Variants in LRRC4C observed in about 807,000 individuals in gnomAD.
LRRC4C encodes leucine-rich repeat-containing protein 4C.
LRRC4C carries 5 observed loss-of-function variants against 33.6 expected under a neutral mutation model. The ratio of observed to expected loss-of-function variants is 0.15; its 90% CI spans 0.08 to 0.31. The LOEUF is 0.31. Among genes scored for constraint, LRRC4C ranks in the 10% least tolerant of loss-of-function variants. The probability of loss-of-function intolerance (pLI) is 1.00; values close to 1 mark genes in which losing one functional copy is unlikely to be tolerated. For synonymous variants in LRRC4C, 329 were observed against 302.0 expected (o/e 1.09, Z -0.93); for missense variants, 560 against 796.7 (o/e 0.70, Z 3.58).
At chr11:41,325,577 T>TTTTTTGTG (rs202169756) in intron 1 of LRRC4C, among the ~76,000 whole-genome samples, 2 of 104,164 alleles carry the variant, frequency 1.9e-5, no homozygotes, top group Admixed American at 1.0e-4. Context: ...TTTTTTTTTT[T>TTTTTTGTG]TGTGTGTGTG....
At chr11:40,716,779 G>A (rs111927691) in intron 2 of LRRC4C, among the ~76,000 whole-genome samples, 1 of 152,082 alleles carries the variant, frequency 6.6e-6, no homozygotes, top group African/African-American at 2.4e-5. Context: ...ATTCTAAAGG[G>A]AATGACCCCT....
intron 1 of LRRC4C, among the ~76,000 whole-genome samples, chr11:41,186,337 C>A (rs904967681): frequency 6.6e-6 from 1 of 152,074 alleles, no homozygotes; most frequent in African/African-American, 2.4e-5. Context: ...TCTTTTAGTG[C>A]CACTAAATAT....
At chr11:41,081,830 G>A (rs910436512) in intron 1 of LRRC4C, among the ~76,000 whole-genome samples, 5 of 152,132 alleles carry the variant, frequency 3.3e-5, no homozygotes, top group African/African-American at 9.7e-5. Context: ...GCCTTAGAAT[G>A]TGTCATTATA....
At chr11:41,437,693 T>C (rs1289777027) in intron 1 of LRRC4C, among the ~76,000 whole-genome samples, 2 of 152,134 alleles carry the variant, frequency 1.3e-5, no homozygotes, top group Middle Eastern at 3.2e-3. Flanking sequence ...ACTATAAAAA[T>C]CTCCTGACTT....
rs1486364979 is a variant in LRRC4C at position 40,937,601 on chromosome 11, A to ATG, written c.-495-3879_-495-3878insCA. ...TAATTCACTCTTCTTGAGTGTGTGTATATGTGTGTGTGTGTGTGTGTGTGT... is the reference window on the plus strand; with the variant it reads ...TAATTCACTCTTCTTGAGTGTGTGTATGTATGTGTGTGTGTGTGTGTGTGTGT... On this transcript the variant is annotated intron_variant, in intron 1 of 6. Coordinates refer to ENST00000528697, the MANE Select transcript of LRRC4C (RefSeq NM_001258419.2). Among the ~76,000 whole-genome samples, 473 of 114,742 alleles carry ATG rather than the reference A, an allele frequency of 4.1e-3. 3 individuals are homozygous for ATG. The highest frequency in any genetic ancestry group is 0.017 in the African/African-American group (414 of 24,032). 75.3% of individuals were successfully genotyped at this position (114,742 alleles called of 152,430 possible).
At chr11:40,853,721 C>T (rs771816404) in intron 2 of LRRC4C, among the ~76,000 whole-genome samples, 1 of 152,028 alleles carries the variant, frequency 6.6e-6, no homozygotes, top group Non-Finnish European at 1.5e-5. Context: ...GTCTTCTTGG[C>T]AATGATTAGA....
At position 40,396,384 on chromosome 11, in the gene LRRC4C, C is replaced by T. The variant is rs142592549; in HGVS notation, c.-269-76663G>A. On this transcript the variant is annotated intron_variant, in intron 3 of 6. Coordinates refer to ENST00000528697, the MANE Select transcript of LRRC4C (RefSeq NM_001258419.2). Reference sequence around the variant, plus strand: ...TACTGCTAAGAAACTGTAATACTACCGCTCCTCTGGGGCATAATGTCCCTT... The same window carrying T: ...TACTGCTAAGAAACTGTAATACTACTGCTCCTCTGGGGCATAATGTCCCTT... Among the ~76,000 whole-genome samples the T allele has an allele frequency of 6.8e-4, 104 of 152,112 alleles. No individual in the cohort carries two copies. The East Asian group carries it at 0.012, about 17-fold the overall frequency.
intron 2 of LRRC4C, among the ~76,000 whole-genome samples, chr11:40,717,081 A>G (rs115720777): frequency 4.3e-4 from 65 of 152,296 alleles, no homozygotes; most frequent in South Asian, 1.7e-3. Context: ...GATTATAGGC[A>G]TCACGAGGTT....
intron 3 of LRRC4C, among the ~76,000 whole-genome samples, chr11:40,599,982 G>C (rs59331976): frequency 5.2e-4 from 79 of 152,274 alleles, no homozygotes; most frequent in African/African-American, 1.8e-3. Context: ...TTTCCTATAG[G>C]CATAATCTTG....
At chr11:41,388,125 G>A (rs982667513) in intron 1 of LRRC4C, among the ~76,000 whole-genome samples, 1 of 151,626 alleles carries the variant, frequency 6.6e-6, no homozygotes, top group Admixed American at 6.6e-5. Context: ...TTTATGCCTG[G>A]TATTTGAAAA....
At chr11:41,238,105 C>T (rs10501253) in intron 1 of LRRC4C, among the ~76,000 whole-genome samples, 6,711 of 152,194 alleles carry the variant, frequency 0.044, 189 homozygotes, top group South Asian at 0.074. Flanking sequence ...TTTTCTACTT[C>T]TTCAATTTTT....
chr11:40,879,455 T>C (rs141703963), intron 2 of LRRC4C, among the ~76,000 whole-genome samples: 1 of 152,166 alleles, frequency 6.6e-6, no homozygotes, highest in African/African-American at 2.4e-5. Flanking sequence ...AGGAAAGTTG[T>C]TCATCCTACA....
chr11:41,366,763 C>T (rs1483734006), intron 1 of LRRC4C, among the ~76,000 whole-genome samples: 2 of 152,000 alleles, frequency 1.3e-5, no homozygotes, highest in African/African-American at 4.8e-5. Flanking sequence ...CAGATATACA[C>T]AGAGGGAAGA....
At chr11:40,705,692 C>A (rs534322902) in intron 2 of LRRC4C, among the ~76,000 whole-genome samples, 32 of 152,104 alleles carry the variant, frequency 2.1e-4, no homozygotes, top group Non-Finnish European at 4.1e-4. Context: ...TTTATAGTAG[C>A]ATGATTTATA....
In LRRC4C at chr11:40,610,877, CAT is replaced by C. The variant is rs1712941305; in HGVS notation, c.-270+37263_-270+37264del. On this transcript the variant is annotated intron_variant, in intron 3 of 6. Coordinates refer to ENST00000528697, the MANE Select transcript of LRRC4C (RefSeq NM_001258419.2). ...TATTACTGAAAGGAATTAAAGAAGA[CAT>C]AAATAAATGGAAAGACATACTGTGT... Among the ~76,000 whole-genome samples, 4 of 151,734 alleles carry C rather than the reference CAT, an allele frequency of 2.6e-5. 1 individual carries two copies. The South Asian group carries it at 8.3e-4, about 31-fold the overall frequency.
chr11:41,087,703 G>A (rs7124797), intron 1 of LRRC4C, among the ~76,000 whole-genome samples: 98,117 of 151,626 alleles, frequency 0.65, 33,326 homozygotes, highest in South Asian at 0.78. Flanking sequence ...GAATTCAAAA[G>A]CTATTTGTGC....
At chr11:41,381,098 A>G (rs1005598515) in intron 1 of LRRC4C, among the ~76,000 whole-genome samples, 10 of 152,162 alleles carry the variant, frequency 6.6e-5, no homozygotes, top group African/African-American at 2.4e-4. Flanking sequence ...CTGGGCATAT[A>G]GAGAAGCGAG....
chr11:41,052,039 T>C (rs1312085693), intron 1 of LRRC4C, among the ~76,000 whole-genome samples: 1 of 152,128 alleles, frequency 6.6e-6, no homozygotes, highest in African/African-American at 2.4e-5. Flanking sequence ...ATTGAAATCC[T>C]CTAGGTTCTG....
At chr11:41,214,575 C>CAAAA (rs547167050) in intron 1 of LRRC4C, among the ~76,000 whole-genome samples, 601 of 34,750 alleles carry the variant, frequency 0.017, 31 homozygotes, top group African/African-American at 0.069. Flanking sequence ...ACTAAAAATA[C>CAAAA]AAAAAAAAAA....
Sources: gnomAD v4.1 joint callset for allele counts (sites outside exome capture counted in the v4.1 genomes callset) on GRCh38, gnomAD v4.1.1 for gene constraint, MANE v1.5 for transcripts, NCBI Gene and HGNC (gene_info 2026-07-23, HGNC 2026-07-21) for gene names.